Variants in SUGCT observed in about 807,000 individuals in gnomAD.
The protein encoded by SUGCT is succinyl-CoA:glutarate CoA-transferase.
In SUGCT, 41 loss-of-function variants were observed where a neutral mutation model predicts 55.0. That is an observed-to-expected ratio of 0.74 (90% CI 0.58 to 0.97). SUGCT has a LOEUF of 0.97. SUGCT is among the 50% of genes least tolerant of loss of function. The pLI is 0.00. For synonymous variants in SUGCT, 187 were observed against 200.4 expected (o/e 0.93, Z 0.56); for missense variants, 568 against 547.8 (o/e 1.04, Z -0.37).
Position 40,520,243 on chromosome 7 carries a change from T to C in SUGCT, c.1089+23857T>C, listed in dbSNP as rs573904548. Reference sequence around the variant, plus strand: ...TATCCTTACAATACTAGAATTTTGATAGTTTTCAACAAATAGCATTGAATA... The same window carrying C: ...TATCCTTACAATACTAGAATTTTGACAGTTTTCAACAAATAGCATTGAATA... On this transcript the variant is annotated intron_variant, in intron 12 of 13. Coordinates refer to ENST00000335693, the MANE Select transcript of SUGCT (RefSeq NM_001193313.2). Among the ~76,000 whole-genome samples the C allele has an allele frequency of 3.3e-5, 5 of 152,252 alleles. No individual in the cohort carries two copies. The South Asian group carries it at 1.0e-3, about 32-fold the overall frequency.
In SUGCT at chr7:40,157,272, G is replaced by A. The variant is rs139863748; in HGVS notation, c.100+22152G>A. 9.5e-4 allele frequency among the ~76,000 whole-genome samples: 144 copies of A among 152,196 alleles called. 4 individuals carry two copies. The East Asian group carries it at 0.027, about 29-fold the overall frequency. On this transcript the variant is annotated intron_variant, in intron 1 of 13. Transcript: ENST00000335693. ...CCCCTTTTCTTCCCAAGCAGAATTT[G>A]CTTACCATAGGTAGATTGCTTTCTT... is the stretch of plus-strand genomic sequence containing the variant.
At chr7:41,005,895 C>G in the SUGCT span, among the ~76,000 whole-genome samples, 12 of 152,320 alleles carry the variant, frequency 7.9e-5, no homozygotes, top group African/African-American at 2.9e-4. Context: ...AACTTGACCT[C>G]CGAGCATTCC....
intron 8 of SUGCT, among the ~76,000 whole-genome samples, chr7:40,311,192 T>C (rs1795127740): frequency 6.6e-6 from 1 of 152,212 alleles, no homozygotes; most frequent in Non-Finnish European, 1.5e-5. Flanking sequence ...ATACAACCTT[T>C]CACATGCTCT....
At chr7:41,009,411 T>C in the SUGCT span, among the ~76,000 whole-genome samples, 1 of 152,166 alleles carries the variant, frequency 6.6e-6, no homozygotes, top group Admixed American at 6.6e-5. Flanking sequence ...ATAGGCCTAG[T>C]GCCACGGGAC....
chr7:40,654,409 C>A (rs2151843783), intron 12 of SUGCT, among the ~76,000 whole-genome samples: 2 of 152,300 alleles, frequency 1.3e-5, no homozygotes, highest in Non-Finnish European at 2.9e-5. Flanking sequence ...GTGCCCTTGA[C>A]AAGCTTTAGC....
rs769038156 is a variant in SUGCT at position 40,195,103 on chromosome 7, T to G, written c.484+43T>G. ...CCTTGTCAGTTAAAAGGTTTTCCAG[T>G]TTCTGTGTTTTCTTATTGCTATAAG... On this transcript the variant is annotated intron_variant, in intron 6 of 13. Transcript: ENST00000335693. The G allele has an allele frequency of 1.5e-5, 23 of 1,536,336 alleles. No homozygotes were observed. In the Admixed American group the frequency reaches 4.4e-4, roughly 29 times the overall value.
In SUGCT at chr7:40,307,935, T is replaced by C. The variant is rs190094934; in HGVS notation, c.721-8825T>C. ...ATGCCAGAAACTCAAAATCTCTTTCTGAGGCGAGGTCAAATTTTTCTTCTT... is the reference window on the plus strand; with the variant it reads ...ATGCCAGAAACTCAAAATCTCTTTCCGAGGCGAGGTCAAATTTTTCTTCTT... On this transcript the variant is annotated intron_variant, in intron 8 of 13. Transcript: ENST00000335693. 9.8e-5 allele frequency among the ~76,000 whole-genome samples: 15 copies of C among 152,328 alleles called. No homozygotes were observed. In the East Asian group the frequency reaches 2.7e-3, roughly 27 times the overall value.
chr7:40,340,351 T>C (rs1410667371), intron 9 of SUGCT, among the ~76,000 whole-genome samples: 1 of 151,766 alleles, frequency 6.6e-6, no homozygotes, highest in Non-Finnish European at 1.5e-5. Flanking sequence ...CTTAACCTTC[T>C]AAAGGGAAAT....
chr7:40,491,460 A>G (rs917734379), intron 11 of SUGCT, among the ~76,000 whole-genome samples: 1 of 152,142 alleles, frequency 6.6e-6, no homozygotes, highest in Non-Finnish European at 1.5e-5. Flanking sequence ...TTATGAAGGA[A>G]ATGGAAATCA....
At chr7:40,853,261 A>T (rs935983742) in intron 13 of SUGCT, among the ~76,000 whole-genome samples, 2 of 152,188 alleles carry the variant, frequency 1.3e-5, no homozygotes, top group Non-Finnish European at 2.9e-5. Flanking sequence ...TACTATGTGT[A>T]ATAATATCAC....
At chr7:40,138,438 A>G (rs765861134) in intron 1 of SUGCT, among the ~76,000 whole-genome samples, 4 of 152,178 alleles carry the variant, frequency 2.6e-5, no homozygotes, top group Non-Finnish European at 4.4e-5. Flanking sequence ...GCTTTTATGA[A>G]TAGTGCCGTG....
At chr7:40,409,231 C>G (rs1204396935) in intron 9 of SUGCT, among the ~76,000 whole-genome samples, 1 of 152,046 alleles carries the variant, frequency 6.6e-6, no homozygotes, top group Non-Finnish European at 1.5e-5. Context: ...GCTGGGATTA[C>G]AGGTGTGAGC....
chr7:40,249,620 AAGAG>A (rs1790219735), intron 7 of SUGCT, among the ~76,000 whole-genome samples: 1 of 151,870 alleles, frequency 6.6e-6, no homozygotes, highest in Non-Finnish European at 1.5e-5. Context: ...TCACTAACAA[AAGAG>A]GTTAAATAGT....
intron 12 of SUGCT, among the ~76,000 whole-genome samples, chr7:40,659,471 C>T (rs1290575984): frequency 6.6e-6 from 1 of 152,118 alleles, no homozygotes; most frequent in Non-Finnish European, 1.5e-5. Flanking sequence ...AATATGTGAG[C>T]CAAGAGACCA....
At chr7:40,763,227 TAGTG>T (rs1788624064) in intron 13 of SUGCT, among the ~76,000 whole-genome samples, 1 of 152,126 alleles carries the variant, frequency 6.6e-6, no homozygotes, top group Non-Finnish European at 1.5e-5. Flanking sequence ...CGCTAACACT[TAGTG>T]AGCCTGAATA....
chr7:40,725,413 G>A (rs965510447), intron 12 of SUGCT, among the ~76,000 whole-genome samples: 5 of 152,052 alleles, frequency 3.3e-5, no homozygotes, highest in African/African-American at 9.7e-5. Context: ...GACACAATGC[G>A]TTTTCCGTGA....
the SUGCT span, among the ~76,000 whole-genome samples, chr7:40,976,101 G>A: frequency 1.3e-5 from 2 of 152,326 alleles, no homozygotes; most frequent in African/African-American, 4.8e-5. Context: ...ATTGGTTGTA[G>A]GGGCATTCGG....
intron 13 of SUGCT, among the ~76,000 whole-genome samples, chr7:40,849,233 T>C (rs1047925338): frequency 2.6e-5 from 4 of 152,178 alleles, no homozygotes; most frequent in African/African-American, 7.2e-5. Flanking sequence ...ATGTCAGAAA[T>C]TAAGAAAAAA....
At chr7:40,388,208 T>C (rs1324908047) in intron 9 of SUGCT, 1 of 152,158 alleles carries the variant, frequency 6.6e-6, no homozygotes, top group Non-Finnish European at 1.5e-5. Flanking sequence ...CTGGAACATA[T>C]TTCTTTGATC....
Sources: allele counts gnomAD v4.1 joint callset (sites outside exome capture counted in the v4.1 genomes callset), GRCh38; gene constraint gnomAD v4.1.1; transcripts MANE v1.5; gene names NCBI Gene and HGNC (gene_info 2026-07-23, HGNC 2026-07-21).